CNBD2: variants seen among roughly 807,000 people sequenced by gnomAD.
The protein encoded by CNBD2 is cyclic nucleotide binding domain containing 2.
A neutral mutation model predicts 63.7 loss-of-function variants in CNBD2; 64 were observed. The ratio of observed to expected loss-of-function variants is 1.00; its 90% CI spans 0.82 to 1.24. CNBD2 has a LOEUF of 1.24. Among genes scored for constraint, CNBD2 ranks in the 50% most tolerant of loss-of-function variants. The pLI, the probability that CNBD2 is intolerant of heterozygous loss-of-function variation, is 0.00. For missense variants in CNBD2, 691 were observed against 713.5 expected (o/e 0.97, Z 0.36); for synonymous variants, 229 against 255.4 (o/e 0.90, Z 0.99).
intron 1 of CNBD2, 109 bp downstream of exon 1, chr20:35,968,922 T>G: frequency 3.4e-5 from 26 of 775,238 alleles, no homozygotes; most frequent in East Asian, 5.6e-5. Flanking sequence ...ATGGTGGCCA[T>G]CCTGTACCTT....
chr20:36,028,464 C>T (rs1045179739), intron 11 of CNBD2, among the ~76,000 whole-genome samples: 14 of 152,232 alleles, frequency 9.2e-5, no homozygotes, highest in African/African-American at 2.2e-4. Context: ...ATCACAGAGC[C>T]GGTGGCAGAG....
chr20:35,994,750 A>G (rs1043210096), intron 7 of CNBD2, among the ~76,000 whole-genome samples: 2 of 151,766 alleles, frequency 1.3e-5, no homozygotes, highest in African/African-American at 4.8e-5. Flanking sequence ...TTAGCCGGGC[A>G]TGGTGGCACA....
chr20:35,960,374 T>G (rs2056296438), intron 2 of CNBD2, among the ~76,000 whole-genome samples: 1 of 152,230 alleles, frequency 6.6e-6, no homozygotes. Context: ...CTCAGTGTCA[T>G]TAGTTATTCA....
chr20:36,018,904 T>C (rs1265304223), intron 10 of CNBD2, among the ~76,000 whole-genome samples: 2 of 152,180 alleles, frequency 1.3e-5, no homozygotes, highest in Admixed American at 6.5e-5. Context: ...ATGAGGAGAT[T>C]CATCTGGGTG....
intron 3 of CNBD2, among the ~76,000 whole-genome samples, chr20:35,976,955 G>A (rs1438073760): frequency 1.3e-5 from 2 of 152,074 alleles, no homozygotes; most frequent in African/African-American, 4.8e-5. Flanking sequence ...GGCTTCTGTT[G>A]CTTGCCTCTC....
intron 10 of CNBD2, among the ~76,000 whole-genome samples, chr20:36,019,033 G>A (rs1457171311): frequency 6.6e-6 from 1 of 152,186 alleles, no homozygotes; most frequent in Non-Finnish European, 1.5e-5. Context: ...GTAGACTGAC[G>A]TAATTCCTGC....
chr20:36,014,604 C>T lies in CNBD2; in HGVS notation c.1269+3347C>T, dbSNP rs529821649. 2.0e-5 allele frequency among the ~76,000 whole-genome samples: 3 copies of T among 151,064 alleles called. No homozygotes were observed. In the South Asian group the frequency reaches 6.3e-4, roughly 32 times the overall value. On this transcript the variant is annotated intron_variant, in intron 10 of 11. Coordinates refer to ENST00000373973, the MANE Select transcript of CNBD2 (RefSeq NM_001365709.1). Reference sequence around the variant, plus strand: ...TCGGCCTACCAAAGTGCTGGGATTACAGGCATGAGCCACTGGACCTGGCCT... The same window carrying T: ...TCGGCCTACCAAAGTGCTGGGATTATAGGCATGAGCCACTGGACCTGGCCT...
chr20:35,958,640 TTGTGTG>T (rs141670470), downstream of CNBD2, among the ~76,000 whole-genome samples: 14 of 149,550 alleles, frequency 9.4e-5, no homozygotes, highest in South Asian at 2.1e-3. Context: ...ATACATGCAT[TTGTGTG>T]TGTGTGTGTG....
chr20:35,954,592 C>CT (rs1471026202), upstream of CNBD2: 1 of 1,415,382 alleles, frequency 7.1e-7, no homozygotes, highest in Admixed American at 2.3e-5. Context: ...GAGGCGGCTG[C>CT]TGCCCTCGCG....
intron 10 of CNBD2, among the ~76,000 whole-genome samples, chr20:36,014,444 C>G (rs1476749503): frequency 6.7e-6 from 1 of 149,694 alleles, no homozygotes; most frequent in Non-Finnish European, 1.5e-5. Flanking sequence ...ATTCTCCTGC[C>G]TCTGCCTCCT....
Position 35,991,382 on chromosome 20 carries a change from G to A in CNBD2, c.856-3656G>A, listed in dbSNP as rs541305780. Reference sequence around the variant, plus strand: ...TAAACTTACCAGCACCACCAGGGGCGTGGTGTGTGTGTTGTTATTCTCGGC... The same window carrying A: ...TAAACTTACCAGCACCACCAGGGGCATGGTGTGTGTGTTGTTATTCTCGGC... On this transcript the variant is annotated intron_variant, in intron 7 of 11. Transcript: ENST00000373973. Among the ~76,000 whole-genome samples, 20 of 152,302 alleles carry A rather than the reference G, an allele frequency of 1.3e-4. No homozygotes were observed. In the South Asian group the frequency reaches 2.5e-3, roughly 19 times the overall value.
Position 36,030,655 on chromosome 20 carries a change from A to G in CNBD2, c.*7A>G. On this transcript the variant is annotated 3_prime_UTR_variant, in exon 12 of 12. Transcript: ENST00000373973. Reference sequence around the variant, plus strand: ...CCGAGAACTCTTGGCTTAGTGTAAGAGCACAGGGGTCCTTATTTAGGACAA... The same window carrying G: ...CCGAGAACTCTTGGCTTAGTGTAAGGGCACAGGGGTCCTTATTTAGGACAA... The G allele has an allele frequency of 1.2e-6, 2 of 1,613,556 alleles. No individual in the cohort carries two copies. Among genetic ancestry groups the G allele is most frequent in the African/African-American group, 2.7e-5 (2 of 74,938 alleles).
At chr20:36,025,825 T>C (rs777931645) in intron 11 of CNBD2, among the ~76,000 whole-genome samples, 2 of 152,142 alleles carry the variant, frequency 1.3e-5, no homozygotes, top group Non-Finnish European at 2.9e-5. Context: ...TACTCCCTGG[T>C]ATGTATATGT....
chr20:35,975,956 T>C lies in CNBD2; in HGVS notation c.197T>C (p.Met66Thr). The change falls in exon 3 of 12, where the codon ATG (methionine) becomes ACG (threonine). Residue 66 changes from methionine to threonine, a missense_variant. Coordinates refer to ENST00000373973, the MANE Select transcript of CNBD2 (RefSeq NM_001365709.1). ...HPIFSFWDKK[M>T]QSRVTFDTMD... is the part of the protein sequence containing the mutation. ...CTGCCCTCTTTCTTTCAGAAAAAGA[T>C]GCAAAGCCGAGTCACATTTGATACC... The C allele has an allele frequency of 6.2e-7, 1 of 1,613,266 alleles. No individual in the cohort carries two copies. The highest frequency in any genetic ancestry group is 1.3e-5 in the African/African-American group (1 of 75,050).
At chr20:35,960,163 C>T (rs1249055729), downstream of CNBD2, among the ~76,000 whole-genome samples, 2 of 152,162 alleles carry the variant, frequency 1.3e-5, no homozygotes, top group South Asian at 2.1e-4. Flanking sequence ...CTACATATTG[C>T]CACCTTTCTT....
chr20:35,995,059 C>G lies in CNBD2; in HGVS notation c.877C>G (p.Leu293Val), dbSNP rs775896271. Residue 293 changes from leucine (L) to valine (V), a missense_variant, in exon 8 of 12, where the codon CTG becomes GTG. By Grantham distance (32) the Leu-to-Val change is conservative. Transcript: ENST00000373973. Reference protein sequence around the residue: ...ISKGSCEVLRLLDLGASPSYR... With the variant: ...ISKGSCEVLRVLDLGASPSYR... ...TCAGGGCAGCTGTGAAGTCCTGCGG[C>G]TGTTGGACCTTGGGGCCTCCCCTTC... is the stretch of plus-strand genomic sequence containing the variant. The G allele has an allele frequency of 1.9e-6, 3 of 1,614,008 alleles. No homozygotes were observed. The African/African-American group carries it at 4.0e-5, about 22-fold the overall frequency.
chr20:35,985,258 C>T (rs971588386), intron 6 of CNBD2, among the ~76,000 whole-genome samples: 1 of 152,010 alleles, frequency 6.6e-6, no homozygotes, highest in Admixed American at 6.6e-5. Context: ...GTGATCGCAT[C>T]ACTGCACTCC....
At position 35,980,451 on chromosome 20, in the gene CNBD2, C is replaced by T. The variant is rs1455237332; in HGVS notation, c.244-8C>T. 6.2e-7 allele frequency: 1 copy of T among 1,613,832 alleles called. No homozygotes were observed. The highest frequency in any genetic ancestry group is 1.3e-5 in the African/African-American group (1 of 74,916). ...GTCCCCTGTATCACTCTGGTCCTCTCTCCCCAGGGTCACTTTCCTCCAAAG... is the reference window on the plus strand; with the variant it reads ...GTCCCCTGTATCACTCTGGTCCTCTTTCCCCAGGGTCACTTTCCTCCAAAG... On this transcript the variant is annotated splice_region_variant and splice_polypyrimidine_tract_variant and intron_variant, in intron 3 of 11. Transcript: ENST00000373973.
chr20:36,008,464 C>G lies in CNBD2; in HGVS notation c.1138C>G (p.Pro380Ala). 1 of 1,610,332 alleles carries G rather than the reference C, an allele frequency of 6.2e-7. No homozygotes were observed. Among genetic ancestry groups the G allele is most frequent in the Non-Finnish European group, 8.5e-7 (1 of 1,179,032 alleles). The change falls in exon 9 of 12, where the codon CCG becomes GCG. Residue 380 changes from proline (P) to alanine (A), a missense_variant. Physicochemically the swap from Pro to Ala is conservative, Grantham distance 27 (BLOSUM62 -1). Coordinates refer to ENST00000373973, the MANE Select transcript of CNBD2 (RefSeq NM_001365709.1). ...SGDTLPKMLG[P>A]KIQSRPAQSI... ...AGACACTCTCCCCAAGATGCTGGGC[C>G]CGAAGATCCAGTAAGCTCAGCCCTG... is the stretch of plus-strand genomic sequence containing the variant.
Sources: gnomAD v4.1 joint callset for allele counts (sites outside exome capture counted in the v4.1 genomes callset) on GRCh38, gnomAD v4.1.1 for gene constraint, MANE v1.5 for transcripts, NCBI Gene and HGNC (gene_info 2026-07-23, HGNC 2026-07-21) for gene names.